Variants in ZNF148 observed in about 807,000 individuals in gnomAD.
The protein encoded by ZNF148 is zinc finger protein 148.
In ZNF148, 7 loss-of-function variants were observed where a neutral mutation model predicts 67.7. The ratio of observed to expected loss-of-function variants is 0.10; its 90% CI spans 0.06 to 0.19. The LOEUF (loss-of-function observed/expected upper bound fraction) is 0.19. Ranked by LOEUF, ZNF148 falls within the 10% of genes least tolerant of loss-of-function variation. The probability of loss-of-function intolerance (pLI) is 1.00; values close to 1 mark genes in which losing one functional copy is unlikely to be tolerated. For missense variants in ZNF148, 583 were observed against 947.1 expected (o/e 0.62, Z 5.05); for synonymous variants, 333 against 330.7 (o/e 1.01, Z -0.08).
chr3:125,292,697 A>T lies in ZNF148; in HGVS notation c.334-4469T>A, dbSNP rs903875623. On this transcript the variant is annotated intron_variant, in intron 4 of 8. Transcript: ENST00000360647. ...AAAGGAAAGACTGAAAATGAGAAAAAGGTCAGGGTAATTAAGAGATGTTTT... is the reference window on the plus strand; with the variant it reads ...AAAGGAAAGACTGAAAATGAGAAAATGGTCAGGGTAATTAAGAGATGTTTT... The T allele has an allele frequency of 2.0e-5, 3 of 152,348 alleles. No individual in the cohort carries two copies. In the South Asian group the frequency reaches 6.2e-4, roughly 32 times the overall value. 9.4% of individuals were successfully genotyped at this position (152,348 alleles called of 1,614,324 possible).
intron 1 of ZNF148, among the ~76,000 whole-genome samples, chr3:125,349,048 A>C (rs1942047378): frequency 6.6e-6 from 1 of 152,232 alleles, no homozygotes; most frequent in Non-Finnish European, 1.5e-5. Context: ...AAAGAATTGA[A>C]GTTTGACCCT....
intron 5 of ZNF148, 126 bp downstream of exon 5, chr3:125,287,977 C>T: frequency 7.5e-7 from 1 of 1,339,942 alleles, no homozygotes. Context: ...CAGGCACGCA[C>T]CCCCTCCTAC....
At chr3:125,339,100 C>T (rs1941614156) in intron 1 of ZNF148, among the ~76,000 whole-genome samples, 1 of 152,176 alleles carries the variant, frequency 6.6e-6, no homozygotes, top group Admixed American at 6.5e-5. Context: ...TGATCTCAAA[C>T]TCCTGACCCT....
chr3:125,369,068 C>T (rs1229399212), intron 1 of ZNF148, among the ~76,000 whole-genome samples: 1 of 151,728 alleles, frequency 6.6e-6, no homozygotes, highest in East Asian at 1.9e-4. Context: ...TCGAGACCAG[C>T]CTGGCCAACA....
chr3:125,329,447 C>T (rs1302126827), intron 2 of ZNF148, among the ~76,000 whole-genome samples: 1 of 150,132 alleles, frequency 6.7e-6, no homozygotes, highest in African/African-American at 2.4e-5. Context: ...ACGCAACCTC[C>T]GCCTCCTGGG....
At chr3:125,364,211 C>T (rs772940439) in intron 1 of ZNF148, among the ~76,000 whole-genome samples, 1 of 152,014 alleles carries the variant, frequency 6.6e-6, no homozygotes, top group Non-Finnish European at 1.5e-5. Context: ...AAAGCCTGGC[C>T]AATATGGCAA....
intron 7 of ZNF148, among the ~76,000 whole-genome samples, chr3:125,260,200 A>G (rs1223070438): frequency 6.6e-6 from 1 of 152,182 alleles, no homozygotes; most frequent in Non-Finnish European, 1.5e-5. Context: ...TGAAATATTG[A>G]AAGAATTATC....
At chr3:125,345,512 A>G (rs540006404) in intron 1 of ZNF148, among the ~76,000 whole-genome samples, 7 of 152,162 alleles carry the variant, frequency 4.6e-5, no homozygotes, top group African/African-American at 1.7e-4. Context: ...GGAATTATTA[A>G]AAGAAGAAAT....
intron 4 of ZNF148, among the ~76,000 whole-genome samples, chr3:125,303,397 G>A (rs548727873): frequency 6.6e-6 from 1 of 152,194 alleles, no homozygotes; most frequent in Non-Finnish European, 1.5e-5. Context: ...CTGCACATCA[G>A]GAGGTGAGCG....
chr3:125,273,605 T>C (rs551017765), intron 7 of ZNF148, among the ~76,000 whole-genome samples: 3 of 151,608 alleles, frequency 2.0e-5, no homozygotes, highest in East Asian at 3.9e-4. Flanking sequence ...GCGATTCTCC[T>C]GCCTCAGCCT....
At chr3:125,315,724 AT>A (rs1940458899) in intron 3 of ZNF148, among the ~76,000 whole-genome samples, 1 of 151,164 alleles carries the variant, frequency 6.6e-6, no homozygotes, top group Non-Finnish European at 1.5e-5. Context: ...AAAAAAAAAA[AT>A]GGAGGGAGTA....
At chr3:125,370,951 C>T (rs1268457536) in intron 1 of ZNF148, among the ~76,000 whole-genome samples, 1 of 152,128 alleles carries the variant, frequency 6.6e-6, no homozygotes. Context: ...TCCATCAAAC[C>T]CTGTTCCTCA....
intron 7 of ZNF148, among the ~76,000 whole-genome samples, chr3:125,269,402 A>AT (rs1229816494): frequency 6.6e-6 from 1 of 151,374 alleles, no homozygotes; most frequent in Non-Finnish European, 1.5e-5. Context: ...GAACACCACA[A>AT]TGAGATACTA....
chr3:125,326,876 A>AGT (rs1553710384), intron 2 of ZNF148, among the ~76,000 whole-genome samples: 4 of 148,540 alleles, frequency 2.7e-5, no homozygotes, highest in Non-Finnish European at 4.5e-5. Flanking sequence ...ATATATATAT[A>AGT]GTGTGTGTGT....
chr3:125,282,422 A>G (rs1938440312), intron 5 of ZNF148, among the ~76,000 whole-genome samples: 1 of 152,140 alleles, frequency 6.6e-6, no homozygotes, highest in Non-Finnish European at 1.5e-5. Flanking sequence ...GAATTCTAAG[A>G]TGCCTGCTAG....
At chr3:125,335,128 T>C (rs1341812840) in intron 1 of ZNF148, among the ~76,000 whole-genome samples, 1 of 152,158 alleles carries the variant, frequency 6.6e-6, no homozygotes, top group Non-Finnish European at 1.5e-5. Flanking sequence ...TCCTAACATA[T>C]TACACAACCA....
rs1935798384 is a variant in ZNF148 at position 125,230,298 on chromosome 3, CCATTTTTAACGTATCACCTGAA to C, written c.*2021_*2042del. 1 of 152,510 alleles carries C rather than the reference CCATTTTTAACGTATCACCTGAA, an allele frequency of 6.6e-6. No homozygotes were observed. The highest frequency in any genetic ancestry group is 2.4e-5 in the African/African-American group (1 of 41,432). The allele number at this position is 152,510 out of a possible 1,614,324, so 9.4% of individuals were successfully genotyped here. A position where few individuals can be genotyped will look rare whatever the true frequency, so the allele number is the denominator to read the frequency against. On this transcript the variant is annotated 3_prime_UTR_variant, in exon 9 of 9. Transcript: ENST00000360647. ...ATGCCTATTTAGGGTGAGCACAGTT[CCATTTTTAACGTATCACCTGAA>C]TGAAGCCTTTTTGTAATTATGTAAT...
intron 7 of ZNF148, among the ~76,000 whole-genome samples, chr3:125,270,724 C>CT (rs1937688529): frequency 6.6e-6 from 1 of 151,994 alleles, no homozygotes; most frequent in Admixed American, 6.6e-5. Flanking sequence ...TGAAAAATAA[C>CT]TTTAGCCAGG....
At chr3:125,238,647 A>G (rs769315739) in intron 7 of ZNF148, among the ~76,000 whole-genome samples, 1 of 152,168 alleles carries the variant, frequency 6.6e-6, no homozygotes, top group Non-Finnish European at 1.5e-5. Context: ...AAACGCACAC[A>G]CAAATGAAAT....
Sources: allele counts gnomAD v4.1 joint callset (sites outside exome capture counted in the v4.1 genomes callset), GRCh38; gene constraint gnomAD v4.1.1; transcripts MANE v1.5; gene names NCBI Gene and HGNC (gene_info 2026-07-23, HGNC 2026-07-21).